The following CCDC33 variants were observed in gnomAD, a reference collection of about 807,000 sequenced individuals.
CCDC33 encodes coiled-coil domain containing 33, also known as coiled-coil domain-containing protein 33.
In CCDC33, 94 loss-of-function variants were observed where a neutral mutation model predicts 91.9. The observed-to-expected ratio is 1.02, with a 90% CI of 0.87 to 1.21. The LOEUF is 1.21. CCDC33 is among the 50% of genes most tolerant of loss of function. The probability of loss-of-function intolerance (pLI) is 0.00; values close to 1 mark genes in which losing one functional copy is unlikely to be tolerated. For missense variants in CCDC33, 940 were observed against 935.5 expected, an observed-to-expected ratio of 1.00 and a Z score of -0.06; for synonymous variants, 396 against 374.5, an observed-to-expected ratio of 1.06 and a Z score of -0.66.
intron 11 of CCDC33, among the ~76,000 whole-genome samples, chr15:74,306,175 G>A (rs1006099822): frequency 1.3e-5 from 2 of 152,154 alleles, no homozygotes; most frequent in African/African-American, 4.8e-5. Context: ...AGATAATTCC[G>A]TACAAGGGTC....
At chr15:74,241,461 CA>C (rs1034097105) in intron 1 of CCDC33, among the ~76,000 whole-genome samples, 8 of 152,122 alleles carry the variant, frequency 5.3e-5, no homozygotes, top group Non-Finnish European at 1.0e-4. Flanking sequence ...GTGTGAGAAA[CA>C]GCCAGGAGGC....
At chr15:74,315,807 G>A (rs2060078592) in intron 11 of CCDC33, among the ~76,000 whole-genome samples, 1 of 152,194 alleles carries the variant, frequency 6.6e-6, no homozygotes. Flanking sequence ...TGGCTGGCGT[G>A]GGAGTGGCTG....
At chr15:74,245,819 G>C (rs1185166664) in intron 2 of CCDC33, among the ~76,000 whole-genome samples, 1 of 152,210 alleles carries the variant, frequency 6.6e-6, no homozygotes, top group Non-Finnish European at 1.5e-5. Context: ...TCTCCAGCTG[G>C]GAGCAGCGCC....
intron 2 of CCDC33, among the ~76,000 whole-genome samples, chr15:74,225,858 G>A (rs1391558307): frequency 1.3e-5 from 2 of 152,168 alleles, no homozygotes; most frequent in Admixed American, 1.3e-4. Context: ...GGGTAGGGCT[G>A]TTAGGCCAGC....
At chr15:74,276,354 G>A (rs1007467732) in intron 7 of CCDC33, among the ~76,000 whole-genome samples, 3 of 152,136 alleles carry the variant, frequency 2.0e-5, no homozygotes, top group East Asian at 1.9e-4. Context: ...CTCCTACCCC[G>A]GCACCTTGGA....
At chr15:74,267,951 A>C (rs924064796) in intron 4 of CCDC33, among the ~76,000 whole-genome samples, 5 of 152,150 alleles carry the variant, frequency 3.3e-5, no homozygotes, top group Non-Finnish European at 5.9e-5. Context: ...CCCCAATCCC[A>C]GGGCTTCAGG....
At chr15:74,335,679 G>A (rs1321156485) in intron 18 of CCDC33, 4 of 447,686 alleles carry the variant, frequency 8.9e-6, no homozygotes, top group Admixed American at 3.5e-5. Flanking sequence ...TCCTGGGAAA[G>A]GCCTGGAAAG....
rs563899460 is a variant in CCDC33, at chr15:74,335,667, G to T, written c.2140-258G>T. 3 of 422,146 alleles carry T rather than the reference G, an allele frequency of 7.1e-6. No individual in the cohort carries two copies. The South Asian group carries it at 1.1e-4, about 16-fold the overall frequency. The allele number at this position is 422,146 out of a possible 1,614,324, so 26.2% of individuals were successfully genotyped here. On this transcript the variant is annotated intron_variant, in intron 18 of 18. Transcript: ENST00000398814. ...GCCCGTGGCCAGAAGCTCAGCAGCG[G>T]CTCCTGGGAAAGGCCTGGAAAGGAT...
chr15:74,292,289 A>G (rs2059599155), intron 10 of CCDC33, among the ~76,000 whole-genome samples: 1 of 152,134 alleles, frequency 6.6e-6, no homozygotes, highest in African/African-American at 2.4e-5. Flanking sequence ...CTGACTCACC[A>G]TCTCCTATGG....
At chr15:74,208,885 G>A (rs1455274212) in intron 1 of CCDC33, 2 of 989,258 alleles carry the variant, frequency 2.0e-6, no homozygotes, top group Middle Eastern at 5.1e-4. Flanking sequence ...GTCCCTCCAG[G>A]CAAGCAGGGT....
intron 1 of CCDC33, chr15:74,207,614 A>T: frequency 7.6e-7 from 1 of 1,308,812 alleles, no homozygotes; most frequent in Non-Finnish European, 1.1e-6. Context: ...CTCAAACCTC[A>T]GGTACACCCC....
chr15:74,211,810 G>A (rs1051570224), intron 2 of CCDC33, among the ~76,000 whole-genome samples: 4 of 151,984 alleles, frequency 2.6e-5, no homozygotes, highest in Admixed American at 1.3e-4. Context: ...CCCTCTCTGT[G>A]TCTGACTCAG....
At position 74,236,598 on chromosome 15, in the gene CCDC33, A is replaced by G. The variant is rs534415465; in HGVS notation, c.-122A>G. ...TTGACCTCCATACTGTCTACTACCC[A>G]TAAGGACTCCAAGACGCCCAGGCCA... On this transcript the variant is annotated 5_prime_UTR_variant, in exon 1 of 19. Coordinates refer to ENST00000398814, the MANE Select transcript of CCDC33 (RefSeq NM_025055.5). 1.3e-4 allele frequency: 86 copies of G among 667,208 alleles called. No individual in the cohort carries two copies. The East Asian group carries it at 1.5e-3, about 12-fold the overall frequency. 41.3% of individuals were successfully genotyped at this position (667,208 alleles called of 1,614,324 possible).
chr15:74,203,200 T>C (rs767528645), intron 1 of CCDC33: 1 of 976,268 alleles, frequency 1.0e-6, no homozygotes, highest in Non-Finnish European at 1.2e-6. Context: ...ATGTGTCTCA[T>C]TGGTAAACCC....
At chr15:74,232,369 G>A (rs2075005662), upstream of CCDC33, among the ~76,000 whole-genome samples, 1 of 152,158 alleles carries the variant, frequency 6.6e-6, no homozygotes, top group African/African-American at 2.4e-5. Flanking sequence ...AGCGCCTTGG[G>A]GGCTGGAACC....
intron 3 of CCDC33, among the ~76,000 whole-genome samples, chr15:74,263,269 A>G (rs1270239242): frequency 1.3e-5 from 2 of 152,182 alleles, no homozygotes; most frequent in East Asian, 3.9e-4. Flanking sequence ...TGATTGGCTG[A>G]TGCCCGGGTA....
At chr15:74,334,142 G>T (rs1352975999) in intron 17 of CCDC33, among the ~76,000 whole-genome samples, 175 bp downstream of exon 17, 8 of 152,118 alleles carry the variant, frequency 5.3e-5, no homozygotes, top group African/African-American at 1.9e-4. Context: ...GTACAACCAG[G>T]GTTAGGGTTC....
chr15:74,214,465 CG>C (rs2074395188), upstream of CCDC33, among the ~76,000 whole-genome samples: 2 of 152,110 alleles, frequency 1.3e-5, no homozygotes, highest in Non-Finnish European at 2.9e-5. Context: ...TTTTGAAAAC[CG>C]TGGGAGGCTG....
At chr15:74,217,476 G>T in exon 1 of CCDC33, 1 of 1,289,766 alleles carries the variant, frequency 7.8e-7, no homozygotes, top group Non-Finnish European at 1.0e-6. Context: ...GAATGATGGG[G>T]ACCCCTTCCC....
Sources: allele counts gnomAD v4.1 joint callset (sites outside exome capture counted in the v4.1 genomes callset), GRCh38; gene constraint gnomAD v4.1.1; transcripts MANE v1.5; gene names NCBI Gene and HGNC (gene_info 2026-07-23, HGNC 2026-07-21).